Variants in XIRP2 observed in about 807,000 individuals in gnomAD.
XIRP2 encodes the protein xin actin binding repeat containing 2, also known as xin actin-binding repeat-containing protein 2.
XIRP2 carries 236 observed loss-of-function variants against 277.0 expected under a neutral mutation model. The ratio of observed to expected loss-of-function variants is 0.85; its 90% confidence interval spans 0.77 to 0.95. The LOEUF is 0.95. Among genes scored for constraint, XIRP2 ranks in the 40% least tolerant of loss-of-function variants. The pLI, the probability that XIRP2 is intolerant of heterozygous loss-of-function variation, is 0.00. For synonymous variants in XIRP2, 1,490 were observed against 1,416.5 expected (o/e 1.05, Z -1.17); for missense variants, 4,640 against 4,157.5 (o/e 1.12, Z -3.19).
intron 2 of XIRP2, among the ~76,000 whole-genome samples, chr2:167,078,021 G>T (rs1449410508): frequency 6.6e-6 from 1 of 152,102 alleles, no homozygotes. Context: ...GAAAAATGAC[G>T]TTAGTAGTTT....
chr2:166,915,583 C>T (rs1480603050), intron 2 of XIRP2, among the ~76,000 whole-genome samples: 2 of 152,110 alleles, frequency 1.3e-5, no homozygotes, highest in South Asian at 4.1e-4. Flanking sequence ...GAGAATGAGG[C>T]CACTAAAAAG....
intron 2 of XIRP2, among the ~76,000 whole-genome samples, chr2:167,022,666 T>C (rs769144914): frequency 1.3e-4 from 20 of 152,080 alleles, no homozygotes; most frequent in Non-Finnish European, 2.8e-4. Flanking sequence ...GTTCTCATTG[T>C]TCAATTCCCA....
At chr2:167,099,148 G>A (rs906001448) in intron 2 of XIRP2, among the ~76,000 whole-genome samples, 1 of 152,202 alleles carries the variant, frequency 6.6e-6, no homozygotes, top group Non-Finnish European at 1.5e-5. Context: ...GAGATGGGAG[G>A]TTTATCTATA....
At chr2:166,935,467 C>T (rs944134948) in intron 2 of XIRP2, among the ~76,000 whole-genome samples, 5 of 141,188 alleles carry the variant, frequency 3.5e-5, no homozygotes, top group African/African-American at 7.4e-5. Context: ...ACAACGTGCA[C>T]GTTTGTTACA....
chr2:167,175,708 A>C (rs1436337158), intron 3 of XIRP2, among the ~76,000 whole-genome samples: 1 of 152,106 alleles, frequency 6.6e-6, no homozygotes, highest in Non-Finnish European at 1.5e-5. Context: ...AGCAGTCAGG[A>C]ATGTTTAAGT....
Position 166,939,052 on chromosome 2 carries a change from C to T in XIRP2, c.408+35162C>T, listed in dbSNP as rs1240905722. Among the ~76,000 whole-genome samples, 7 of 152,168 alleles carry T rather than the reference C, an allele frequency of 4.6e-5. 1 individual carries two copies. In the South Asian group the frequency reaches 8.3e-4, roughly 18 times the overall value. On this transcript the variant is annotated intron_variant, in intron 2 of 10. Coordinates refer to ENST00000409195, the MANE Select transcript of XIRP2 (RefSeq NM_152381.6). ...GATCTTGACTCTTTATCCAATTTGC[C>T]AGTCTATGTCTTTCAATTGGAGCAT...
At chr2:167,059,554 C>G (rs1021793780) in intron 2 of XIRP2, among the ~76,000 whole-genome samples, 1 of 151,882 alleles carries the variant, frequency 6.6e-6, no homozygotes, top group East Asian at 1.9e-4. Flanking sequence ...TCCATAAGAA[C>G]TAGAATCCAA....
Position 167,243,162 on chromosome 2 carries a change from C to A in XIRP2, c.1770C>A (p.Asn590Lys), listed in dbSNP as rs765478726. The part of the protein sequence containing the change: ...IFENQPLDSI[N>K]NGSPDEGDIS... ...AGAATCAACCATTGGATTCCATCAACAATGGCTCTCCTGATGAAGGTGATA... is the reference window on the plus strand; with the variant it reads ...AGAATCAACCATTGGATTCCATCAAAAATGGCTCTCCTGATGAAGGTGATA... Residue 590 changes from asparagine to lysine, a missense_variant, in exon 9 of 11, where the codon AAC (asparagine) becomes AAA (lysine). By Grantham distance (94) the Asn-to-Lys change is moderately conservative. Transcript: ENST00000409195. 1 of 1,614,148 alleles carries A rather than the reference C, an allele frequency of 6.2e-7. No individual in the cohort carries two copies. The highest frequency in any genetic ancestry group is 1.1e-5 in the South Asian group (1 of 91,068).
chr2:166,917,791 G>A (rs1355246634), intron 2 of XIRP2, among the ~76,000 whole-genome samples: 1 of 152,080 alleles, frequency 6.6e-6, no homozygotes, highest in African/African-American at 2.4e-5. Flanking sequence ...TAGCTCTACT[G>A]CCCCTGTTAG....
chr2:166,903,452 C>A lies in XIRP2; in HGVS notation c.-18-13C>A. The A allele has an allele frequency of 1.9e-6, 3 of 1,583,448 alleles. No individual in the cohort carries two copies. Among genetic ancestry groups the A allele is most frequent in the Non-Finnish European group, 2.6e-6 (3 of 1,163,358 alleles). ...TGAGTGTATCACTGATAAAAGGATT[C>A]TTGATATTGCAGGACAACCTGGACC... is the stretch of plus-strand genomic sequence containing the variant. On this transcript the variant is annotated splice_polypyrimidine_tract_variant and intron_variant, in intron 1 of 10. Transcript: ENST00000409195.
At chr2:167,198,646 C>T (rs1331006822) in intron 3 of XIRP2, among the ~76,000 whole-genome samples, 1 of 152,132 alleles carries the variant, frequency 6.6e-6, no homozygotes, top group Admixed American at 6.5e-5. Flanking sequence ...CCACATTGTT[C>T]TGAAAGTTTT....
At chr2:167,016,974 A>G (rs753151689) in intron 2 of XIRP2, among the ~76,000 whole-genome samples, 1 of 151,956 alleles carries the variant, frequency 6.6e-6, no homozygotes, top group African/African-American at 2.4e-5. Flanking sequence ...AAACATGGTG[A>G]TGGATCCTGC....
At chr2:167,226,408 T>G (rs930594129) in intron 5 of XIRP2, among the ~76,000 whole-genome samples, 11 of 152,132 alleles carry the variant, frequency 7.2e-5, no homozygotes, top group African/African-American at 2.7e-4. Context: ...GATCCCATGC[T>G]CTTTTTTGTA....
At chr2:167,037,964 G>GA (rs1430880251) in intron 2 of XIRP2, among the ~76,000 whole-genome samples, 1 of 151,782 alleles carries the variant, frequency 6.6e-6, no homozygotes, top group East Asian at 1.9e-4. Context: ...TCTTATGTCA[G>GA]AAAAAAGGCA....
chr2:166,999,169 T>TTAATA (rs1244758762), intron 2 of XIRP2, among the ~76,000 whole-genome samples: 1 of 152,150 alleles, frequency 6.6e-6, no homozygotes, highest in East Asian at 1.9e-4. Flanking sequence ...TGAAGGATGC[T>TTAATA]TAATATATTT....
intron 2 of XIRP2, among the ~76,000 whole-genome samples, chr2:167,114,780 CT>C (rs1211557889): frequency 2.0e-5 from 3 of 152,164 alleles, no homozygotes; most frequent in Non-Finnish European, 2.9e-5. Context: ...TGAACTCATC[CT>C]TTTTTATGGC....
At chr2:166,912,872 T>G (rs1381500454) in intron 2 of XIRP2, among the ~76,000 whole-genome samples, 1 of 77,200 alleles carries the variant, frequency 1.3e-5, no homozygotes, top group Non-Finnish European at 2.1e-5. Context: ...GGAGGTCCAC[T>G]CGAGACCGTT....
At chr2:166,892,912 GTGTATA>G (rs1684142037) in intron 1 of XIRP2, among the ~76,000 whole-genome samples, 1 of 147,446 alleles carries the variant, frequency 6.8e-6, no homozygotes, top group Non-Finnish European at 1.5e-5. Flanking sequence ...GTATATTTAT[GTGTATA>G]TATGTATATA....
intron 3 of XIRP2, among the ~76,000 whole-genome samples, chr2:167,203,577 A>C (rs1693778816): frequency 6.6e-6 from 1 of 152,144 alleles, no homozygotes; most frequent in Non-Finnish European, 1.5e-5. Context: ...ACTCATTTTT[A>C]TTCCCTCGCC....
Sources: gnomAD v4.1 joint callset for allele counts (sites outside exome capture counted in the v4.1 genomes callset) on GRCh38, gnomAD v4.1.1 for gene constraint, MANE v1.5 for transcripts, NCBI Gene and HGNC (gene_info 2026-07-23, HGNC 2026-07-21) for gene names.